The following ROCK2 variants were observed in gnomAD, a reference collection of about 807,000 sequenced individuals.
The protein encoded by ROCK2 is rho-associated protein kinase 2.
In ROCK2, 61 loss-of-function variants were observed where a neutral mutation model predicts 195.1. The observed-to-expected ratio is 0.31, with a 90% confidence interval of 0.25 to 0.39. ROCK2 has a LOEUF of 0.39. Ranked by LOEUF, ROCK2 falls within the 10% of genes least tolerant of loss-of-function variation. The pLI is 1.00. For synonymous variants in ROCK2, 504 were observed against 545.5 expected, an observed-to-expected ratio of 0.92 and a Z score of 1.06; for missense variants, 1,109 against 1,637.4, an observed-to-expected ratio of 0.68 and a Z score of 5.57.
chr2:11,338,093 CAACGTTTT>C (rs1432676051), intron 1 of ROCK2, among the ~76,000 whole-genome samples: 1 of 152,058 alleles, frequency 6.6e-6, no homozygotes, highest in Non-Finnish European at 1.5e-5. Flanking sequence ...GCCTCTAATC[CAACGTTTT>C]CAGGGGCTGA....
intron 1 of ROCK2, among the ~76,000 whole-genome samples, chr2:11,323,838 G>A (rs991986956): frequency 2.6e-5 from 4 of 152,002 alleles, no homozygotes; most frequent in African/African-American, 9.7e-5. Flanking sequence ...CTACAACACT[G>A]ACACATCATT....
rs1437013702 is a variant in ROCK2 at position 11,198,954 on chromosome 2, G to A, written c.2911-180C>T. 2.0e-5 allele frequency among the ~76,000 whole-genome samples: 3 copies of A among 149,230 alleles called. No homozygotes were observed. In the Admixed American group the frequency reaches 2.0e-4, roughly 10 times the overall value. ...GAGTCTTGCTCTGTCAACCAGGAGTGCAGTGGCGCAATCTCAGCTCACTGC... is the reference window on the plus strand; with the variant it reads ...GAGTCTTGCTCTGTCAACCAGGAGTACAGTGGCGCAATCTCAGCTCACTGC... On this transcript the variant is annotated intron_variant, in intron 23 of 32. Coordinates refer to ENST00000315872, the MANE Select transcript of ROCK2 (RefSeq NM_004850.5).
In ROCK2 at chr2:11,221,354, G is replaced by A; in HGVS notation, c.1103C>T (p.Ala368Val). ...QWHWDNIRET[A>V]APVVPELSSD... is the part of the protein sequence containing the mutation. Reference sequence around the variant, plus strand: ...GCTGAGTTCAGGTACTACAGGAGCTGCCGCTATTAAAAGAAAAGAAATAAA... The same window carrying A: ...GCTGAGTTCAGGTACTACAGGAGCTACCGCTATTAAAAGAAAAGAAATAAA... The change falls in exon 9 of 33, where the codon GCA becomes GTA. Residue 368 changes from alanine (A) to valine (V), a missense_variant. Physicochemically the swap from Ala to Val is moderately conservative, Grantham distance 64 (BLOSUM62 0). Coordinates refer to ENST00000315872, the MANE Select transcript of ROCK2 (RefSeq NM_004850.5). 2.0e-6 allele frequency: 3 copies of A among 1,530,682 alleles called. No individual in the cohort carries two copies. Among genetic ancestry groups the A allele is most frequent in the South Asian group, 1.4e-5 (1 of 72,908 alleles). The allele number at this position is 1,530,682 out of a possible 1,614,324, so 94.8% of individuals were successfully genotyped here.
chr2:11,194,240 TA>T lies in ROCK2; in HGVS notation c.3608+15del. The T allele has an allele frequency of 8.7e-7, 1 of 1,153,048 alleles. No homozygotes were observed. The highest frequency in any genetic ancestry group is 1.2e-6 in the Non-Finnish European group (1 of 819,976). 71.4% of individuals were successfully genotyped at this position (1,153,048 alleles called of 1,614,324 possible). On this transcript the variant is annotated intron_variant, in intron 29 of 32. Coordinates refer to ENST00000315872, the MANE Select transcript of ROCK2 (RefSeq NM_004850.5). Reference sequence around the variant, plus strand: ...TAAAAGATATAGTTTCTAAATATTCTAACAAAAACACTTACTCTATATCTAA... The same window carrying T: ...TAAAAGATATAGTTTCTAAATATTCTACAAAAACACTTACTCTATATCTAA...
At chr2:11,323,518 T>C (rs1355092438) in intron 1 of ROCK2, among the ~76,000 whole-genome samples, 1 of 152,190 alleles carries the variant, frequency 6.6e-6, no homozygotes, top group East Asian at 1.9e-4. Flanking sequence ...AATATAACTT[T>C]AATCAGACAG....
chr2:11,228,659 G>A (rs1466804180), intron 5 of ROCK2, among the ~76,000 whole-genome samples: 2 of 151,928 alleles, frequency 1.3e-5, no homozygotes, highest in East Asian at 1.9e-4. Context: ...AATCAATAGA[G>A]GCTTATTAGG....
chr2:11,295,211 A>G (rs889133420), intron 1 of ROCK2, among the ~76,000 whole-genome samples: 1 of 152,164 alleles, frequency 6.6e-6, no homozygotes, highest in Non-Finnish European at 1.5e-5. Context: ...AACAGAAAAC[A>G]GGCAATTTAC....
At chr2:11,288,527 G>T (rs1667267485) in intron 1 of ROCK2, among the ~76,000 whole-genome samples, 1 of 152,252 alleles carries the variant, frequency 6.6e-6, no homozygotes, top group South Asian at 2.1e-4. Context: ...ACATGACTTT[G>T]ATTTCCTCAG....
At chr2:11,238,721 C>T (rs1665315814) in intron 4 of ROCK2, among the ~76,000 whole-genome samples, 1 of 152,046 alleles carries the variant, frequency 6.6e-6, no homozygotes, top group Admixed American at 6.6e-5. Flanking sequence ...GGTCGCACAC[C>T]TGTAGTCCCA....
intron 1 of ROCK2, among the ~76,000 whole-genome samples, chr2:11,327,032 A>G (rs1452036777): frequency 6.6e-6 from 1 of 152,226 alleles, no homozygotes; most frequent in Non-Finnish European, 1.5e-5. Context: ...CAGGGACTAG[A>G]GACCATGAAT....
At chr2:11,305,443 G>A (rs905444672) in intron 1 of ROCK2, among the ~76,000 whole-genome samples, 3 of 62,990 alleles carry the variant, frequency 4.8e-5, no homozygotes, top group Non-Finnish European at 1.0e-4. Context: ...CTGTGTGGGT[G>A]TACACACACA....
chr2:11,222,915 C>A (rs1377296000), intron 7 of ROCK2, among the ~76,000 whole-genome samples: 2 of 152,082 alleles, frequency 1.3e-5, no homozygotes, highest in Non-Finnish European at 2.9e-5. Context: ...CACACCCCTG[C>A]CCCATGACTA....
At chr2:11,224,065 T>C (rs540255810) in intron 7 of ROCK2, among the ~76,000 whole-genome samples, 3 of 152,312 alleles carry the variant, frequency 2.0e-5, no homozygotes, top group East Asian at 3.9e-4. Context: ...TTCAAATCCA[T>C]TGTTTTACCA....
intron 6 of ROCK2, among the ~76,000 whole-genome samples, chr2:11,225,276 G>A (rs929133477): frequency 2.6e-5 from 4 of 152,118 alleles, no homozygotes; most frequent in African/African-American, 4.8e-5. Flanking sequence ...AAGTGTTACA[G>A]GCTCTGCCAG....
chr2:11,224,836 T>C (rs1217045795), intron 6 of ROCK2, among the ~76,000 whole-genome samples: 1 of 152,098 alleles, frequency 6.6e-6, no homozygotes, highest in Non-Finnish European at 1.5e-5. Flanking sequence ...GGATCAGCAT[T>C]TTGAAATCAT....
chr2:11,282,334 G>C (rs910180362), intron 3 of ROCK2, among the ~76,000 whole-genome samples: 7 of 152,108 alleles, frequency 4.6e-5, no homozygotes. Flanking sequence ...CTGCGCAACA[G>C]AGGAAGATGC....
chr2:11,253,519 G>C (rs1323685725), intron 3 of ROCK2, among the ~76,000 whole-genome samples: 1 of 152,162 alleles, frequency 6.6e-6, no homozygotes, highest in Non-Finnish European at 1.5e-5. Context: ...AACCCTATTT[G>C]TTTTCTTCCT....
In ROCK2 at chr2:11,255,861, A is replaced by G. The variant is rs1404091293; in HGVS notation, c.325-6063T>C. On this transcript the variant is annotated intron_variant, in intron 3 of 32. Coordinates refer to ENST00000315872, the MANE Select transcript of ROCK2 (RefSeq NM_004850.5). Reference sequence around the variant, plus strand: ...CTTAAACCTGGGAGGCAGGGGTTGCAGTGAGCCGAGATGGTGCCACTGCAC... The same window carrying G: ...CTTAAACCTGGGAGGCAGGGGTTGCGGTGAGCCGAGATGGTGCCACTGCAC... 3.0e-5 allele frequency among the ~76,000 whole-genome samples: 4 copies of G among 135,006 alleles called. No homozygotes were observed. In the Admixed American group the frequency reaches 3.2e-4, roughly 11 times the overall value. The allele number at this position is 135,006 out of a possible 152,430, so 88.6% of individuals were successfully genotyped here. A position where few individuals can be genotyped will look rare whatever the true frequency, so the allele number is the denominator to read the frequency against.
intron 1 of ROCK2, among the ~76,000 whole-genome samples, chr2:11,301,393 T>C (rs1207244992): frequency 6.6e-6 from 1 of 152,148 alleles, no homozygotes; most frequent in East Asian, 1.9e-4. Flanking sequence ...ATTCCAGTCA[T>C]AGTGTATATA....
Sources: gnomAD v4.1 joint callset for allele counts (sites outside exome capture counted in the v4.1 genomes callset) on GRCh38, gnomAD v4.1.1 for gene constraint, MANE v1.5 for transcripts, NCBI Gene and HGNC (gene_info 2026-07-23, HGNC 2026-07-21) for gene names.